Variants in VNN1 observed in about 807,000 individuals in gnomAD.
VNN1 encodes vanin 1.
A neutral mutation model predicts 41.9 loss-of-function variants in VNN1; 29 were observed. The ratio of observed to expected loss-of-function variants is 0.69; its 90% CI spans 0.52 to 0.94. The LOEUF (loss-of-function observed/expected upper bound fraction) is 0.94. Among genes scored for constraint, VNN1 ranks in the 40% least tolerant of loss-of-function variants. The probability of loss-of-function intolerance (pLI) is 0.00; values close to 1 mark genes in which losing one functional copy is unlikely to be tolerated. For synonymous variants in VNN1, 233 were observed against 224.4 expected (o/e 1.04, Z -0.34); for missense variants, 637 against 621.1 (o/e 1.03, Z -0.27).
intron 5 of VNN1, among the ~76,000 whole-genome samples, chr6:132,691,031 C>T (rs1017923435): frequency 2.0e-5 from 3 of 152,174 alleles, no homozygotes; most frequent in Non-Finnish European, 2.9e-5. Context: ...TCTGTGCAAA[C>T]ACCTTGAGGT....
intron 2 of VNN1, among the ~76,000 whole-genome samples, chr6:132,701,022 T>A (rs1778442313): frequency 6.6e-6 from 1 of 152,182 alleles, no homozygotes; most frequent in South Asian, 2.1e-4. Context: ...TATTATGCTA[T>A]GGTGGAATTA....
In VNN1 at chr6:132,695,175, G is replaced by A. The variant is rs569927089; in HGVS notation, c.342-993C>T. Reference sequence around the variant, plus strand: ...CTCAAAAAAAAATTTTTTTGAATGAGTTAACAAAAATTTAGAGGTAGAGGG... The same window carrying A: ...CTCAAAAAAAAATTTTTTTGAATGAATTAACAAAAATTTAGAGGTAGAGGG... On this transcript the variant is annotated intron_variant, in intron 2 of 6. Transcript: ENST00000367928. Among the ~76,000 whole-genome samples the A allele has an allele frequency of 5.9e-5, 9 of 152,130 alleles. 1 individual carries two copies. The highest frequency in any genetic ancestry group is 2.2e-4 in the African/African-American group (9 of 41,494).
In VNN1 at chr6:132,695,238, C is replaced by T. The variant is rs558607430; in HGVS notation, c.342-1056G>A. Among the ~76,000 whole-genome samples, 3 of 152,238 alleles carry T rather than the reference C, an allele frequency of 2.0e-5. No homozygotes were observed. In the East Asian group the frequency reaches 5.8e-4, roughly 29 times the overall value. On this transcript the variant is annotated intron_variant, in intron 2 of 6. Transcript: ENST00000367928. The stretch of plus-strand genomic sequence containing the variant: ...TAGCAGAGCAGGGAATTTTTCTCCC[C>T]ACCTAGATAACAATTGCACTGTTGG...
chr6:132,713,094 C>G (rs756088963), intron 1 of VNN1, among the ~76,000 whole-genome samples: 7 of 152,172 alleles, frequency 4.6e-5, no homozygotes, highest in Non-Finnish European at 8.8e-5. Flanking sequence ...GTGATCACAC[C>G]ACTATACTCC....
chr6:132,712,685 TG>T (rs138455942), intron 1 of VNN1, among the ~76,000 whole-genome samples: 123 of 152,306 alleles, frequency 8.1e-4, no homozygotes, highest in African/African-American at 2.9e-3. Flanking sequence ...ACTGGTTACT[TG>T]AACTGTCCCA....
At chr6:132,692,962 G>GTTTTTTTTTT in intron 4 of VNN1, 62 bp downstream of exon 4, 2 of 1,363,582 alleles carry the variant, frequency 1.5e-6, no homozygotes, top group Non-Finnish European at 2.0e-6. Context: ...AGAAAAACAT[G>GTTTTTTTTTT]TTTTTTTTTT....
At chr6:132,685,809 C>T (rs1778197080) in intron 5 of VNN1, among the ~76,000 whole-genome samples, 1 of 152,188 alleles carries the variant, frequency 6.6e-6, no homozygotes, top group Non-Finnish European at 1.5e-5. Flanking sequence ...GATAACTGAT[C>T]CTCCCCTACT....
At position 132,681,832 on chromosome 6, in the gene VNN1, C is replaced by T. The variant is rs1361505083; in HGVS notation, c.*1308G>A. On this transcript the variant is annotated 3_prime_UTR_variant, in exon 7 of 7. Transcript: ENST00000367928. ...ATGATATAGTACTTTTTAGGAAAAA[C>T]ATCTGCCACAAAAATGTTTGTCTCA... The T allele has an allele frequency of 6.6e-6, 1 of 152,534 alleles. No homozygotes were observed. Among genetic ancestry groups the T allele is most frequent in the African/African-American group, 2.4e-5 (1 of 41,434 alleles). The allele number at this position is 152,534 out of a possible 1,614,324, so 9.4% of individuals were successfully genotyped here.
rs2114325476 is a variant in VNN1, at chr6:132,682,447, G to A, written c.*693C>T. 6.5e-6 allele frequency: 1 copy of A among 153,348 alleles called. No homozygotes were observed. Among genetic ancestry groups the A allele is most frequent in the South Asian group, 2.1e-4 (1 of 4,828 alleles). 9.5% of individuals were successfully genotyped at this position (153,348 alleles called of 1,614,324 possible). On this transcript the variant is annotated 3_prime_UTR_variant, in exon 7 of 7. Transcript: ENST00000367928. ...AAGTCCAAGATCAAGGTGTTGGCAG[G>A]GTTGGTTTCTTCTGAGGCCCTCTCT...
At chr6:132,705,515 C>A (rs1014411301) in intron 2 of VNN1, among the ~76,000 whole-genome samples, 16 of 152,150 alleles carry the variant, frequency 1.1e-4, no homozygotes, top group Admixed American at 6.6e-4. Flanking sequence ...ATAGAAGGAA[C>A]ATACCTCAAC....
At chr6:132,690,685 T>A (rs985458093) in intron 5 of VNN1, among the ~76,000 whole-genome samples, 1 of 152,226 alleles carries the variant, frequency 6.6e-6, no homozygotes, top group Non-Finnish European at 1.5e-5. Flanking sequence ...ACTAAATAAA[T>A]ACCTGGCATA....
intron 2 of VNN1, among the ~76,000 whole-genome samples, chr6:132,708,358 C>A (rs1778549049): frequency 6.6e-6 from 1 of 152,030 alleles, no homozygotes; most frequent in African/African-American, 2.4e-5. Flanking sequence ...ACTAAAGTAT[C>A]CTATTTTTAA....
intron 6 of VNN1, among the ~76,000 whole-genome samples, chr6:132,683,570 G>A (rs765787128): frequency 6.6e-6 from 1 of 152,198 alleles, no homozygotes; most frequent in Non-Finnish European, 1.5e-5. Flanking sequence ...CGCCGTAAGA[G>A]TTAATAAACA....
chr6:132,713,510 C>T (rs1272380576), intron 1 of VNN1, among the ~76,000 whole-genome samples: 1 of 152,170 alleles, frequency 6.6e-6, no homozygotes, highest in Non-Finnish European at 1.5e-5. Context: ...TAGTCCCTGA[C>T]CCATTTATCC....
chr6:132,692,681 T>C, intron 4 of VNN1, 97 bp from the exon 5 acceptor site: 1 of 1,404,818 alleles, frequency 7.1e-7, no homozygotes, highest in Non-Finnish European at 9.4e-7. Context: ...CACATTTTAC[T>C]CTCTCTAAGT....
At position 132,708,621 on chromosome 6, in the gene VNN1, C is replaced by T. The variant is rs1778552433; in HGVS notation, c.341+3088G>A. Among the ~76,000 whole-genome samples, 4 of 152,284 alleles carry T rather than the reference C, an allele frequency of 2.6e-5. No individual in the cohort carries two copies. In the South Asian group the frequency reaches 8.3e-4, roughly 32 times the overall value. On this transcript the variant is annotated intron_variant, in intron 2 of 6. Transcript: ENST00000367928. ...GGGAAGGATATTGAGTCCTCCTTTT[C>T]TCTCACATCCTACATCCAGTCTTTC...
chr6:132,697,070 A>ATGTTTAC (rs1778385118), intron 2 of VNN1, among the ~76,000 whole-genome samples: 1 of 151,946 alleles, frequency 6.6e-6, no homozygotes, highest in African/African-American at 2.4e-5. Context: ...GCGCCCCTGC[A>ATGTTTAC]CTCCAGCCTG....
chr6:132,701,756 G>A (rs923438006), intron 2 of VNN1, among the ~76,000 whole-genome samples: 2 of 152,284 alleles, frequency 1.3e-5, no homozygotes, highest in African/African-American at 2.4e-5. Context: ...CACTGAAGGA[G>A]GTAAGAAAGA....
intron 2 of VNN1, among the ~76,000 whole-genome samples, chr6:132,704,995 C>T (rs1778499577): frequency 1.3e-5 from 2 of 151,884 alleles, no homozygotes; most frequent in Admixed American, 6.6e-5. Context: ...AAATCCAAAA[C>T]CTGAATAGAC....
Sources: allele counts gnomAD v4.1 joint callset (sites outside exome capture counted in the v4.1 genomes callset), GRCh38; gene constraint gnomAD v4.1.1; transcripts MANE v1.5; gene names NCBI Gene and HGNC (gene_info 2026-07-23, HGNC 2026-07-21).